Variants in RBFOX2 observed in about 807,000 individuals in gnomAD.
The protein encoded by RBFOX2 is RNA binding protein fox-1 homolog 2.
RBFOX2 carries 10 observed loss-of-function variants against 49.1 expected under a neutral mutation model. The ratio of observed to expected loss-of-function variants is 0.20; its 90% CI spans 0.13 to 0.35. The LOEUF (loss-of-function observed/expected upper bound fraction) is 0.35, where lower values mean the gene tolerates loss of function less well. Ranked by LOEUF, RBFOX2 falls within the 10% of genes least tolerant of loss-of-function variation. RBFOX2 has a pLI of 1.00. For missense variants in RBFOX2, 323 were observed against 486.9 expected, an observed-to-expected ratio of 0.66 and a Z score of 3.17; for synonymous variants, 183 against 187.4, an observed-to-expected ratio of 0.98 and a Z score of 0.19.
intron 2 of RBFOX2, among the ~76,000 whole-genome samples, chr22:35,808,473 G>C (rs28569870): frequency 6.6e-6 from 1 of 152,248 alleles, no homozygotes; most frequent in East Asian, 1.9e-4. Flanking sequence ...TTCATAACCA[G>C]ATATAGGAAA....
intron 1 of RBFOX2, among the ~76,000 whole-genome samples, chr22:36,003,898 G>A (rs2146281968): frequency 6.6e-6 from 1 of 152,300 alleles, no homozygotes; most frequent in African/African-American, 2.4e-5. Flanking sequence ...TTCTTTTAAA[G>A]TTAATGCAGG....
intron 2 of RBFOX2, among the ~76,000 whole-genome samples, chr22:35,799,011 T>C (rs1252174510): frequency 1.3e-5 from 2 of 152,212 alleles, no homozygotes; most frequent in Non-Finnish European, 2.9e-5. Context: ...AGACCACCTA[T>C]ACGCCTTTAG....
In RBFOX2 at chr22:35,981,173, T is replaced by C. The variant is rs570408318; in HGVS notation, c.187-42276A>G. 1.2e-4 allele frequency among the ~76,000 whole-genome samples: 19 copies of C among 152,272 alleles called. 1 individual carries two copies. The South Asian group carries it at 3.5e-3, about 28-fold the overall frequency. On this transcript the variant is annotated intron_variant, in intron 1 of 13. Coordinates refer to the RBFOX2 transcript ENST00000438146. ...GAAAAAACTGAGGCTTGAGAAAAGT[T>C]AGGTAGATTGAGCAAGGTCCCACAA... is the stretch of plus-strand genomic sequence containing the variant.
intron 1 of RBFOX2, among the ~76,000 whole-genome samples, chr22:35,917,002 A>G (rs2050504201): frequency 6.6e-6 from 1 of 152,250 alleles, no homozygotes; most frequent in South Asian, 2.1e-4. Context: ...ATTAAGGACC[A>G]TAAAACAACT....
rs369419620 is a variant in RBFOX2, at chr22:35,749,493, C to CCT, written c.888-2934_888-2933dup. 2.7e-5 allele frequency among the ~76,000 whole-genome samples: 4 copies of CCT among 150,718 alleles called. No individual in the cohort carries two copies. The highest frequency in any genetic ancestry group is 9.7e-5 in the African/African-American group (4 of 41,102). On this transcript the variant is annotated intron_variant, in intron 9 of 11. Transcript: ENST00000405409. The surrounding 1 kb of genome is among the most constrained non-coding windows in gnomAD (Gnocchi z 4.1). ...ATTAATTGTGTATCATGGATGTATT[C>CCT]CTCTCTCTCTCTCTTACACACACAC...
intron 9 of RBFOX2, among the ~76,000 whole-genome samples, chr22:35,753,022 A>C (rs917653022): frequency 2.2e-4 from 34 of 152,372 alleles, no homozygotes; most frequent in African/African-American, 7.9e-4. Flanking sequence ...TCACTGTCTA[A>C]GAATGGGACT....
chr22:35,961,806 T>G (rs2056235572), upstream of RBFOX2: 1 of 1,036,156 alleles, frequency 9.7e-7, no homozygotes, highest in Admixed American at 3.5e-5. Context: ...ATTTAGCTAC[T>G]TGGGATTCAG....
chr22:35,910,686 G>A (rs527712581), intron 1 of RBFOX2, among the ~76,000 whole-genome samples: 2 of 152,270 alleles, frequency 1.3e-5, no homozygotes, highest in South Asian at 4.2e-4. Context: ...TGATTCATTT[G>A]TAATGCCAAC....
chr22:35,786,974 C>T (rs538428495), intron 2 of RBFOX2, among the ~76,000 whole-genome samples: 2 of 152,258 alleles, frequency 1.3e-5, no homozygotes, highest in South Asian at 4.1e-4. Context: ...GCAAGAGTCT[C>T]CGGGAGTGGA....
At chr22:35,854,193 C>T (rs779092039) in intron 1 of RBFOX2, among the ~76,000 whole-genome samples, 3 of 151,816 alleles carry the variant, frequency 2.0e-5, no homozygotes, top group Non-Finnish European at 4.4e-5. Flanking sequence ...GCCTGGGCAA[C>T]GAAAGCAAAA....
At chr22:35,761,230 C>G (rs760462185) in exon 8 of RBFOX2, 2 of 1,614,092 alleles carry the variant, frequency 1.2e-6, no homozygotes, top group East Asian at 4.5e-5. Flanking sequence ...TGTTGATACC[C>G]CCTCTTCCTG....
At chr22:36,026,545 C>G (rs3075248) in intron 1 of RBFOX2, among the ~76,000 whole-genome samples, 1,610 of 116,982 alleles carry the variant, frequency 0.014, 11 homozygotes, top group African/African-American at 0.037. Flanking sequence ...AATACATACA[C>G]ACACACACAC....
At chr22:35,977,904 T>G (rs956228554) in intron 1 of RBFOX2, among the ~76,000 whole-genome samples, 2 of 150,294 alleles carry the variant, frequency 1.3e-5, no homozygotes, top group African/African-American at 4.9e-5. Context: ...GAATCAAGGA[T>G]GCACAGGACA....
intron 6 of RBFOX2, among the ~76,000 whole-genome samples, chr22:35,763,500 TGCAGTGA>T (rs1939720267): frequency 6.6e-6 from 1 of 152,180 alleles, no homozygotes. Context: ...AAGTGGAGGT[TGCAGTGA>T]GCTGAGATCG....
intron 1 of RBFOX2, among the ~76,000 whole-genome samples, chr22:35,904,287 G>C (rs1033187373): frequency 7.2e-5 from 11 of 152,092 alleles, no homozygotes; most frequent in African/African-American, 2.7e-4. Flanking sequence ...CTTCCTAGCA[G>C]TTACCAAAAT....
intron 1 of RBFOX2, among the ~76,000 whole-genome samples, chr22:35,889,257 G>A (rs1261434094): frequency 6.6e-6 from 1 of 152,106 alleles, no homozygotes; most frequent in Non-Finnish European, 1.5e-5. Flanking sequence ...AAGCCATTAT[G>A]AGACCCGCTC....
chr22:35,742,494 C>T (rs1601957319), exon 12 of RBFOX2: 1 of 152,744 alleles, frequency 6.5e-6, no homozygotes, highest in East Asian at 1.9e-4. Flanking sequence ...TAAAAACAAA[C>T]CCAAAACAAA....
intron 1 of RBFOX2, among the ~76,000 whole-genome samples, chr22:35,891,428 C>T (rs996627837): frequency 5.9e-5 from 9 of 151,472 alleles, no homozygotes; most frequent in Admixed American, 2.0e-4. Flanking sequence ...CCACTAAGGC[C>T]GGCCAGGGCA....
At chr22:36,002,389 AAAAC>A (rs1439438097) in intron 1 of RBFOX2, among the ~76,000 whole-genome samples, 1 of 152,236 alleles carries the variant, frequency 6.6e-6, no homozygotes, top group African/African-American at 2.4e-5. Flanking sequence ...GATTTTAAAA[AAAAC>A]AAACAAAAAA....
Sources: allele counts gnomAD v4.1 joint callset (sites outside exome capture counted in the v4.1 genomes callset), GRCh38; gene constraint gnomAD v4.1.1; non-coding constraint Gnocchi (gnomAD v3.1); transcripts MANE v1.5; gene names NCBI Gene and HGNC (gene_info 2026-07-23, HGNC 2026-07-21).